PDE7B: variants seen among roughly 807,000 people sequenced by gnomAD.
PDE7B encodes the protein phosphodiesterase 7B.
In PDE7B, 29 loss-of-function variants were observed where a neutral mutation model predicts 56.2. That is an observed-to-expected ratio of 0.52 (90% CI 0.38 to 0.70). The LOEUF (loss-of-function observed/expected upper bound fraction) is 0.70. PDE7B is among the 30% of genes least tolerant of loss of function. PDE7B has a pLI of 0.00. For missense variants in PDE7B, 490 were observed against 565.0 expected (o/e 0.87, Z 1.35); for synonymous variants, 197 against 196.9 (o/e 1.00, Z 0.00).
chr6:136,068,571 C>G (rs1227732634), intron 2 of PDE7B, among the ~76,000 whole-genome samples: 1 of 151,964 alleles, frequency 6.6e-6, no homozygotes, highest in Non-Finnish European at 1.5e-5. Flanking sequence ...GCTGGGACTA[C>G]AGGCGCCCGC....
At chr6:136,153,400 G>A (rs1333005521) in intron 6 of PDE7B, among the ~76,000 whole-genome samples, 1 of 152,158 alleles carries the variant, frequency 6.6e-6, no homozygotes, top group Admixed American at 6.5e-5. Flanking sequence ...GCTGAAGCAG[G>A]TTAGCGTCTT....
chr6:136,086,882 A>G (rs746272272), intron 2 of PDE7B, among the ~76,000 whole-genome samples: 15 of 152,202 alleles, frequency 9.9e-5, no homozygotes, highest in Non-Finnish European at 1.9e-4. Context: ...GAATATTGAG[A>G]AGCCAGCTGT....
At position 136,191,951 on chromosome 6, in the gene PDE7B, G is replaced by A; in HGVS notation, c.*111G>A. The stretch of plus-strand genomic sequence containing the variant: ...CAGCCACTTTCTGAGTGTTGTCCTG[G>A]GGCTCTTTGGAACGCCATCTTCCTC... On this transcript the variant is annotated 3_prime_UTR_variant, in exon 13 of 13. Coordinates refer to ENST00000308191, the MANE Select transcript of PDE7B (RefSeq NM_018945.4). The A allele has an allele frequency of 5.1e-6, 4 of 790,122 alleles. No homozygotes were observed. The highest frequency in any genetic ancestry group is 6.0e-6 in the Non-Finnish European group (3 of 500,006). 48.9% of individuals were successfully genotyped at this position (790,122 alleles called of 1,614,324 possible).
intron 3 of PDE7B, chr6:136,112,744 T>A (rs1777769795): frequency 6.6e-6 from 1 of 152,182 alleles, no homozygotes; most frequent in South Asian, 2.1e-4. Flanking sequence ...AGATTTTAAA[T>A]TCCAATTTAA....
chr6:136,034,241 T>G (rs1471502804), intron 2 of PDE7B: 1 of 152,216 alleles, frequency 6.6e-6, no homozygotes, highest in Non-Finnish European at 1.5e-5. Context: ...ATCTGCCTAG[T>G]GACTGGAGCA....
chr6:135,955,439 C>T (rs149850103), intron 2 of PDE7B, among the ~76,000 whole-genome samples: 11 of 152,090 alleles, frequency 7.2e-5, no homozygotes, highest in South Asian at 4.2e-4. Flanking sequence ...CAACAGGTAC[C>T]GGCAGCTTAA....
At chr6:135,852,784 T>C (rs754656455) in intron 1 of PDE7B, among the ~76,000 whole-genome samples, 5 of 152,236 alleles carry the variant, frequency 3.3e-5, no homozygotes, top group Non-Finnish European at 5.9e-5. Context: ...AGTCAGATAT[T>C]CAATTAGGGG....
intron 1 of PDE7B, among the ~76,000 whole-genome samples, chr6:135,905,352 G>A (rs200024023): frequency 2.5e-4 from 8 of 32,418 alleles, no homozygotes; most frequent in East Asian, 1.7e-3. Flanking sequence ...GTGTGTATGT[G>A]TGTGTGTGTG....
intron 3 of PDE7B, among the ~76,000 whole-genome samples, chr6:136,126,067 T>C (rs1310366186): frequency 5.3e-5 from 8 of 152,182 alleles, no homozygotes; most frequent in Admixed American, 4.6e-4. Flanking sequence ...AAGTAAATAC[T>C]TGGGCATAAT....
intron 2 of PDE7B, among the ~76,000 whole-genome samples, chr6:135,959,856 C>T (rs2128201230): frequency 1.3e-5 from 2 of 152,246 alleles, no homozygotes; most frequent in South Asian, 4.1e-4. Flanking sequence ...TCGCTGCCTC[C>T]TGGAATTCCT....
At chr6:136,072,093 G>T (rs559767410) in intron 2 of PDE7B, among the ~76,000 whole-genome samples, 1 of 152,132 alleles carries the variant, frequency 6.6e-6, no homozygotes, top group African/African-American at 2.4e-5. Context: ...TTTTCATTCA[G>T]TCAGTCATTC....
intron 2 of PDE7B, among the ~76,000 whole-genome samples, chr6:136,039,020 G>T (rs1258197997): frequency 6.6e-6 from 1 of 152,196 alleles, no homozygotes; most frequent in Non-Finnish European, 1.5e-5. Context: ...TGGCATGCAA[G>T]CTTTTTATGT....
chr6:136,148,699 C>T (rs1196816045), intron 4 of PDE7B, among the ~76,000 whole-genome samples: 3 of 152,134 alleles, frequency 2.0e-5, no homozygotes, highest in Admixed American at 6.5e-5. Context: ...ACAGAGCACT[C>T]TTGGCGGTGT....
chr6:136,174,142 C>T (rs1778939128), intron 9 of PDE7B, among the ~76,000 whole-genome samples: 1 of 152,168 alleles, frequency 6.6e-6, no homozygotes, highest in Admixed American at 6.5e-5. Flanking sequence ...ATAAACAGCT[C>T]TCAGTTTTCA....
intron 10 of PDE7B, 109 bp from the exon 11 acceptor site, chr6:136,181,118 C>A: frequency 1.3e-6 from 1 of 756,876 alleles, no homozygotes; most frequent in Non-Finnish European, 2.4e-6. Context: ...TAAATATGGG[C>A]CTGGTACTGT....
chr6:135,908,261 T>TC (rs1421261078), intron 1 of PDE7B, among the ~76,000 whole-genome samples: 11 of 133,328 alleles, frequency 8.3e-5, no homozygotes, highest in African/African-American at 3.9e-4. Context: ...ACTAATTTTG[T>TC]ATTTTTTTTT....
intron 2 of PDE7B, among the ~76,000 whole-genome samples, chr6:136,009,792 G>C (rs921873568): frequency 6.6e-6 from 1 of 152,166 alleles, no homozygotes; most frequent in Non-Finnish European, 1.5e-5. Flanking sequence ...GGGACAATTT[G>C]ACTTCTTCTT....
chr6:136,027,049 TCCC>T (rs35402746), intron 2 of PDE7B, among the ~76,000 whole-genome samples: 3 of 152,092 alleles, frequency 2.0e-5, no homozygotes, highest in Admixed American at 2.0e-4. Context: ...TCTCTCCCTC[TCCC>T]CACCATGTGA....
At chr6:135,890,485 A>T (rs1775791151) in intron 1 of PDE7B, among the ~76,000 whole-genome samples, 1 of 152,192 alleles carries the variant, frequency 6.6e-6, no homozygotes, top group Non-Finnish European at 1.5e-5. Context: ...GAGATAAAAC[A>T]TAAGGAATAT....
Sources: gnomAD v4.1 joint callset for allele counts (sites outside exome capture counted in the v4.1 genomes callset) on GRCh38, gnomAD v4.1.1 for gene constraint, MANE v1.5 for transcripts, NCBI Gene and HGNC (gene_info 2026-07-23, HGNC 2026-07-21) for gene names.